The following MAF variants were observed in gnomAD, a reference collection of about 807,000 sequenced individuals.
MAF encodes transcription factor Maf.
Under a neutral mutation model 22.0 loss-of-function variants are expected in MAF, and 10 were observed. The observed-to-expected ratio is 0.45, with a 90% CI of 0.28 to 0.77. The LOEUF is 0.77. Ranked by LOEUF, MAF falls within the 30% of genes least tolerant of loss-of-function variation. The probability of loss-of-function intolerance (pLI) is 0.12; values close to 1 mark genes in which losing one functional copy is unlikely to be tolerated. For synonymous variants in MAF, 337 were observed against 255.8 expected (o/e 1.32, Z -3.03); for missense variants, 544 against 548.4 (o/e 0.99, Z 0.08).
the MAF span, among the ~76,000 whole-genome samples, chr16:79,413,210 G>GTTTTTTTTTTTTTTTTTTTTT: frequency 1.6e-5 from 1 of 63,620 alleles, no homozygotes; most frequent in Non-Finnish European, 3.0e-5. Context: ...GAGCTGTGCA[G>GTTTTTTTTTTTTTTTTTTTTT]TTTTTTTTTT....
chr16:79,543,476 G>T, the MAF span, among the ~76,000 whole-genome samples: 5 of 152,172 alleles, frequency 3.3e-5, no homozygotes, highest in African/African-American at 1.2e-4. Flanking sequence ...TTCAACAAAT[G>T]TCTGGATGTT....
the MAF span, among the ~76,000 whole-genome samples, chr16:79,443,794 C>T: frequency 1.7e-4 from 26 of 152,232 alleles, no homozygotes; most frequent in Admixed American, 1.5e-3. Context: ...AGTAAAATGA[C>T]AATAATAGTC....
the MAF span, among the ~76,000 whole-genome samples, chr16:79,550,602 C>A: frequency 6.6e-6 from 1 of 152,176 alleles, no homozygotes; most frequent in East Asian, 1.9e-4. Context: ...CAAGGGCCAC[C>A]TGGCAGACAG....
At chr16:79,416,271 G>A in the MAF span, among the ~76,000 whole-genome samples, 2 of 152,098 alleles carry the variant, frequency 1.3e-5, no homozygotes, top group South Asian at 4.1e-4. Context: ...GGGGATTGAG[G>A]GACCTGAATT....
chr16:79,558,650 G>C, the MAF span, among the ~76,000 whole-genome samples: 3 of 152,158 alleles, frequency 2.0e-5, no homozygotes, highest in Non-Finnish European at 4.4e-5. Flanking sequence ...TTCATTCATA[G>C]TTGGAACTCA....
At chr16:79,447,503 A>G in the MAF span, among the ~76,000 whole-genome samples, 1 of 152,162 alleles carries the variant, frequency 6.6e-6, no homozygotes, top group South Asian at 2.1e-4. Flanking sequence ...TTGAATTTTA[A>G]GTCTTTTTGT....
At chr16:79,371,361 G>A in the MAF span, among the ~76,000 whole-genome samples, 2 of 152,138 alleles carry the variant, frequency 1.3e-5, no homozygotes, top group East Asian at 1.9e-4. Context: ...GAGTCACAGA[G>A]CCTCCCAGAT....
the MAF span, among the ~76,000 whole-genome samples, chr16:79,277,593 G>T: frequency 2.0e-4 from 30 of 152,130 alleles, no homozygotes; most frequent in Non-Finnish European, 2.5e-4. Flanking sequence ...TCTGCTAACA[G>T]AGGAGAAAAA....
the MAF span, among the ~76,000 whole-genome samples, chr16:79,510,546 T>C: frequency 6.6e-6 from 1 of 152,154 alleles, no homozygotes; most frequent in South Asian, 2.1e-4. Context: ...TTCTGTTTCC[T>C]TCCATTGCAC....
At chr16:79,595,338 T>A in intron 1 of MAF, 3 of 1,051,100 alleles carry the variant, frequency 2.9e-6, no homozygotes, top group Non-Finnish European at 3.4e-6. Context: ...GATGATAAAC[T>A]GGCCAGAACT....
the MAF span, among the ~76,000 whole-genome samples, chr16:79,257,422 G>A: frequency 1.3e-5 from 2 of 152,136 alleles, no homozygotes; most frequent in African/African-American, 4.8e-5. Flanking sequence ...ACTTTGCTCT[G>A]TTCTTCCAGA....
the MAF span, among the ~76,000 whole-genome samples, chr16:79,221,597 C>A: frequency 3.3e-5 from 5 of 152,146 alleles, no homozygotes; most frequent in African/African-American, 1.2e-4. Flanking sequence ...CTTCTTAATC[C>A]AGAAATTCAA....
chr16:79,339,757 A>C, the MAF span, among the ~76,000 whole-genome samples: 30 of 152,320 alleles, frequency 2.0e-4, 1 homozygote, highest in African/African-American at 6.5e-4. Flanking sequence ...ACACAAAAGA[A>C]ACAAAGTACA....
chr16:79,346,060 G>T, the MAF span, among the ~76,000 whole-genome samples: 1 of 151,614 alleles, frequency 6.6e-6, no homozygotes, highest in African/African-American at 2.4e-5. Flanking sequence ...TAAGTTCTAG[G>T]GTACATGTGT....
intron 1 of MAF, chr16:79,598,090 T>C: frequency 1.9e-6 from 2 of 1,041,312 alleles, no homozygotes; most frequent in Non-Finnish European, 2.3e-6. Flanking sequence ...TGCAAGTCTA[T>C]AACATTTCAC....
the MAF span, among the ~76,000 whole-genome samples, chr16:79,574,204 T>C: frequency 6.6e-6 from 1 of 152,194 alleles, no homozygotes; most frequent in Non-Finnish European, 1.5e-5. Context: ...ATACTATGCT[T>C]TAGAGGAGAA....
the MAF span, among the ~76,000 whole-genome samples, chr16:79,490,640 A>G: frequency 6.6e-6 from 1 of 152,230 alleles, no homozygotes; most frequent in East Asian, 1.9e-4. Context: ...ACATGCATAA[A>G]TATATTATAA....
the MAF span, among the ~76,000 whole-genome samples, chr16:79,286,119 G>C: frequency 6.6e-6 from 1 of 152,228 alleles, no homozygotes; most frequent in Non-Finnish European, 1.5e-5. Flanking sequence ...GGGTGATATG[G>C]GCCAACTAGT....
At chr16:79,597,353 G>A (rs536456084) in intron 1 of MAF, 504 of 1,038,412 alleles carry the variant, frequency 4.9e-4, no homozygotes, top group Admixed American at 1.2e-3. Context: ...ATGACCAAAA[G>A]CCAAAAAATA....
Sources: allele counts gnomAD v4.1 joint callset (sites outside exome capture counted in the v4.1 genomes callset), GRCh38; gene constraint gnomAD v4.1.1; transcripts MANE v1.5; gene names NCBI Gene and HGNC (gene_info 2026-07-23, HGNC 2026-07-21).